The following CYP7B1 variants were observed in gnomAD, a reference collection of about 807,000 sequenced individuals.
CYP7B1 encodes the protein cytochrome P450 7B1.
Under a neutral mutation model 42.7 loss-of-function variants are expected in CYP7B1, and 29 were observed. That is an observed-to-expected ratio of 0.68 (90% CI 0.51 to 0.93). CYP7B1 has a LOEUF of 0.93. Ranked by LOEUF, CYP7B1 falls within the 40% of genes least tolerant of loss-of-function variation. The probability of loss-of-function intolerance (pLI) is 0.00; values close to 1 mark genes in which losing one functional copy is unlikely to be tolerated. For synonymous variants in CYP7B1, 235 were observed against 218.2 expected (o/e 1.08, Z -0.68); for missense variants, 655 against 600.5 (o/e 1.09, Z -0.95).
chr8:64,775,642 C>A (rs1413176383), intron 1 of CYP7B1, among the ~76,000 whole-genome samples: 2 of 151,996 alleles, frequency 1.3e-5, no homozygotes, highest in African/African-American at 4.8e-5. Context: ...TATATATTAA[C>A]TGATAATTAT....
At chr8:64,654,050 C>T (rs1806081486) in intron 1 of CYP7B1, among the ~76,000 whole-genome samples, 1 of 152,114 alleles carries the variant, frequency 6.6e-6, no homozygotes, top group South Asian at 2.1e-4. Context: ...TATGACCAAC[C>T]TACAGCCAAC....
At chr8:64,758,141 C>T (rs1031774816) in intron 1 of CYP7B1, among the ~76,000 whole-genome samples, 7 of 152,150 alleles carry the variant, frequency 4.6e-5, no homozygotes, top group African/African-American at 1.7e-4. Context: ...CTATGGTTAC[C>T]TAGAACAAAA....
chr8:64,631,015 A>G (rs1318217854), intron 1 of CYP7B1, among the ~76,000 whole-genome samples: 1 of 152,220 alleles, frequency 6.6e-6, no homozygotes, highest in Non-Finnish European at 1.5e-5. Context: ...GGTGAATTCC[A>G]TCAAACATTA....
chr8:64,625,757 A>T (rs1396172263), intron 1 of CYP7B1, among the ~76,000 whole-genome samples: 1 of 151,962 alleles, frequency 6.6e-6, no homozygotes, highest in Non-Finnish European at 1.5e-5. Flanking sequence ...ATATGTGTAG[A>T]CTCAGTCAAA....
At chr8:64,629,963 G>A (rs1805665712) in intron 1 of CYP7B1, among the ~76,000 whole-genome samples, 2 of 152,126 alleles carry the variant, frequency 1.3e-5, no homozygotes, top group East Asian at 3.9e-4. Context: ...GGACAAGGAA[G>A]CACAAGGCCA....
chr8:64,705,869 G>A (rs1175676555), intron 1 of CYP7B1, among the ~76,000 whole-genome samples: 1 of 151,962 alleles, frequency 6.6e-6, no homozygotes, highest in Non-Finnish European at 1.5e-5. Context: ...CACTGAAAAT[G>A]CTAGAAAGTA....
At chr8:64,620,784 C>A (rs1805519856) in intron 2 of CYP7B1, among the ~76,000 whole-genome samples, 1 of 152,142 alleles carries the variant, frequency 6.6e-6, no homozygotes, top group Non-Finnish European at 1.5e-5. Context: ...AGGTATCGTG[C>A]ACATTTAACT....
chr8:64,619,703 C>A (rs780872719), intron 2 of CYP7B1, among the ~76,000 whole-genome samples: 1 of 151,998 alleles, frequency 6.6e-6, no homozygotes, highest in Admixed American at 6.6e-5. Context: ...TTTCCACTTC[C>A]GTTAAAATTA....
chr8:64,790,376 G>C (rs1804597548), intron 1 of CYP7B1, among the ~76,000 whole-genome samples: 2 of 152,110 alleles, frequency 1.3e-5, no homozygotes, highest in South Asian at 4.1e-4. Flanking sequence ...AAGGACCCTA[G>C]GAGATTACAT....
chr8:64,771,417 G>C (rs776761662), intron 1 of CYP7B1, among the ~76,000 whole-genome samples: 16 of 152,172 alleles, frequency 1.1e-4, no homozygotes, highest in Middle Eastern at 3.4e-3. Flanking sequence ...TGTGAACATT[G>C]AGTTGTTTGG....
At chr8:64,786,592 C>G (rs58950093) in intron 1 of CYP7B1, among the ~76,000 whole-genome samples, 40,947 of 152,142 alleles carry the variant, frequency 0.27, 6,802 homozygotes, top group African/African-American at 0.47. Flanking sequence ...GCCCCCCTCC[C>G]AGTTGCTTTC....
intron 1 of CYP7B1, among the ~76,000 whole-genome samples, chr8:64,746,554 G>A (rs367571843): frequency 6.6e-6 from 1 of 152,182 alleles, no homozygotes; most frequent in Non-Finnish European, 1.5e-5. Context: ...ACTGTTATAT[G>A]TGTCTATGAT....
intron 1 of CYP7B1, among the ~76,000 whole-genome samples, chr8:64,682,176 C>T (rs1419083764): frequency 6.6e-6 from 1 of 152,124 alleles, no homozygotes; most frequent in Non-Finnish European, 1.5e-5. Flanking sequence ...GCTATGCAAA[C>T]TGATAACTAG....
chr8:64,787,905 C>T (rs779514112), intron 1 of CYP7B1, among the ~76,000 whole-genome samples: 29 of 152,238 alleles, frequency 1.9e-4, no homozygotes, highest in Admixed American at 3.3e-4. Flanking sequence ...CTTTATGTGG[C>T]GGCAAGAGAG....
At chr8:64,643,312 A>G (rs1805896753) in intron 1 of CYP7B1, among the ~76,000 whole-genome samples, 1 of 151,942 alleles carries the variant, frequency 6.6e-6, no homozygotes, top group Admixed American at 6.6e-5. Flanking sequence ...AGTGAGTCGC[A>G]TGAATTATTC....
intron 1 of CYP7B1, among the ~76,000 whole-genome samples, chr8:64,683,017 C>G (rs562314888): frequency 6.6e-6 from 1 of 152,318 alleles, no homozygotes; most frequent in South Asian, 2.1e-4. Context: ...CGTATAACAT[C>G]AGCAAATCAC....
chr8:64,647,157 G>C (rs1805966195), intron 1 of CYP7B1, among the ~76,000 whole-genome samples: 1 of 152,116 alleles, frequency 6.6e-6, no homozygotes, highest in Non-Finnish European at 1.5e-5. Context: ...AAAAAGATGG[G>C]GGAATGGTTG....
intron 2 of CYP7B1, among the ~76,000 whole-genome samples, chr8:64,621,477 A>G (rs1805528556): frequency 6.6e-6 from 1 of 152,174 alleles, no homozygotes; most frequent in Non-Finnish European, 1.5e-5. Context: ...AAACAATAAC[A>G]TTCTGGCAGA....
At chr8:64,656,271 T>C (rs1806119346) in intron 1 of CYP7B1, among the ~76,000 whole-genome samples, 1 of 152,218 alleles carries the variant, frequency 6.6e-6, no homozygotes, top group Admixed American at 6.5e-5. Context: ...TACTGAGTTT[T>C]AGCTAGATAT....
Sources: gnomAD v4.1 joint callset for allele counts (sites outside exome capture counted in the v4.1 genomes callset) on GRCh38, gnomAD v4.1.1 for gene constraint, MANE v1.5 for transcripts, NCBI Gene and HGNC (gene_info 2026-07-23, HGNC 2026-07-21) for gene names.